The following CDH13 variants were observed in gnomAD, a reference collection of about 807,000 sequenced individuals.
CDH13 encodes cadherin-13.
In CDH13, 24 loss-of-function variants were observed where a neutral mutation model predicts 63.8. That is an observed-to-expected ratio of 0.38 (90% CI 0.27 to 0.53). The LOEUF is 0.53. Ranked by LOEUF, CDH13 falls within the 20% of genes least tolerant of loss-of-function variation. The pLI, the probability that CDH13 is intolerant of heterozygous loss-of-function variation, is 0.85. For synonymous variants in CDH13, 503 were observed against 355.3 expected, an observed-to-expected ratio of 1.42 and a Z score of -4.67; for missense variants, 1,049 against 903.1, an observed-to-expected ratio of 1.16 and a Z score of -2.07.
chr16:82,646,039 G>A (rs1910053295), intron 1 of CDH13, among the ~76,000 whole-genome samples: 1 of 152,206 alleles, frequency 6.6e-6, no homozygotes, highest in Non-Finnish European at 1.5e-5. Flanking sequence ...ACTTCACAAA[G>A]TCTGGGATCT....
intron 1 of CDH13, among the ~76,000 whole-genome samples, chr16:82,841,094 C>G (rs2038990333): frequency 6.6e-6 from 1 of 152,220 alleles, no homozygotes; most frequent in African/African-American, 2.4e-5. Flanking sequence ...CTGTGGACAT[C>G]TAGAAATGAG....
chr16:83,147,269 T>A (rs75275669), intron 4 of CDH13, among the ~76,000 whole-genome samples: 5 of 152,220 alleles, frequency 3.3e-5, no homozygotes, highest in African/African-American at 1.2e-4. Context: ...CACATCCACC[T>A]TCTTCCGTCC....
At chr16:83,635,027 C>A (rs1162032486) in intron 8 of CDH13, among the ~76,000 whole-genome samples, 1 of 152,192 alleles carries the variant, frequency 6.6e-6, no homozygotes, top group Non-Finnish European at 1.5e-5. Flanking sequence ...CCATTTTCAT[C>A]CTTATCAGCA....
chr16:83,025,669 A>T (rs964025753), intron 2 of CDH13, among the ~76,000 whole-genome samples: 2 of 152,200 alleles, frequency 1.3e-5, no homozygotes, highest in Non-Finnish European at 2.9e-5. Context: ...CAGGGCTCCT[A>T]CACACAAGCC....
intron 5 of CDH13, among the ~76,000 whole-genome samples, chr16:83,236,355 A>T (rs1022911477): frequency 6.6e-6 from 1 of 152,156 alleles, no homozygotes; most frequent in Admixed American, 6.5e-5. Flanking sequence ...CATAGTAAAG[A>T]TATTTTGAAG....
At chr16:83,409,223 G>A (rs189112470) in intron 6 of CDH13, among the ~76,000 whole-genome samples, 60 of 147,966 alleles carry the variant, frequency 4.1e-4, no homozygotes, top group African/African-American at 1.3e-3. Flanking sequence ...GTGTAAAAAC[G>A]CATAAGCTTC....
chr16:83,259,196 C>G (rs895583444), intron 5 of CDH13, among the ~76,000 whole-genome samples: 5 of 152,138 alleles, frequency 3.3e-5, no homozygotes, highest in Non-Finnish European at 7.4e-5. Context: ...TGATATAAAC[C>G]TTATGGATGG....
intron 7 of CDH13, among the ~76,000 whole-genome samples, chr16:83,550,363 C>G (rs1440777587): frequency 6.6e-6 from 1 of 152,238 alleles, no homozygotes; most frequent in East Asian, 1.9e-4. Context: ...TTTCCAGCAT[C>G]TGCTATGATG....
intron 4 of CDH13, among the ~76,000 whole-genome samples, chr16:83,138,397 G>A (rs1279973980): frequency 1.3e-5 from 2 of 152,106 alleles, no homozygotes; most frequent in African/African-American, 2.4e-5. Flanking sequence ...CGAGAAGGCA[G>A]AAGAAGTAAT....
intron 7 of CDH13, among the ~76,000 whole-genome samples, chr16:83,501,089 C>G (rs569187165): frequency 6.6e-6 from 1 of 152,226 alleles, no homozygotes; most frequent in Admixed American, 6.5e-5. Flanking sequence ...ATAGCAATGG[C>G]TTTCCTGGCT....
At chr16:82,864,609 G>A (rs771161207) in intron 2 of CDH13, among the ~76,000 whole-genome samples, 88 of 152,174 alleles carry the variant, frequency 5.8e-4, no homozygotes, top group Non-Finnish European at 2.1e-4. Flanking sequence ...CCGTAATTCA[G>A]TTACCTCCAG....
intron 3 of CDH13, among the ~76,000 whole-genome samples, chr16:83,061,301 G>A (rs1341189634): frequency 6.6e-6 from 1 of 152,196 alleles, no homozygotes; most frequent in Non-Finnish European, 1.5e-5. Flanking sequence ...AGACAATTGA[G>A]GCTGTACATC....
chr16:82,850,747 C>T, intron 1 of CDH13, among the ~76,000 whole-genome samples: 1 of 152,284 alleles, frequency 6.6e-6, no homozygotes, highest in East Asian at 1.9e-4. Context: ...TTCACAACCG[C>T]CACCCTCATC....
chr16:83,650,088 T>C (rs1344309182), intron 8 of CDH13, among the ~76,000 whole-genome samples: 1 of 152,208 alleles, frequency 6.6e-6, no homozygotes, highest in Admixed American at 6.5e-5. Flanking sequence ...TTCAAGCCTC[T>C]GCTCCTTTGT....
intron 2 of CDH13, among the ~76,000 whole-genome samples, chr16:82,900,581 AC>A (rs1281413047): frequency 6.6e-6 from 1 of 152,224 alleles, no homozygotes; most frequent in Middle Eastern, 3.2e-3. Flanking sequence ...TAAGCCTTAA[AC>A]ATGTTTGTAA....
chr16:82,761,992 A>G (rs1169364759), intron 1 of CDH13, among the ~76,000 whole-genome samples: 1 of 152,206 alleles, frequency 6.6e-6, no homozygotes, highest in Admixed American at 6.5e-5. Context: ...AGACAAAGAG[A>G]AATGGCAATT....
chr16:83,139,347 A>AT (rs1055143319), intron 4 of CDH13, among the ~76,000 whole-genome samples: 2 of 152,012 alleles, frequency 1.3e-5, no homozygotes, highest in African/African-American at 4.8e-5. Flanking sequence ...CTTTTATTTT[A>AT]TTTTTTTCTA....
chr16:83,145,714 C>G (rs2036718778), intron 4 of CDH13, among the ~76,000 whole-genome samples: 1 of 152,186 alleles, frequency 6.6e-6, no homozygotes, highest in Non-Finnish European at 1.5e-5. Flanking sequence ...GTCTCTCAAT[C>G]AATCAATACT....
intron 4 of CDH13, chr16:83,171,558 C>G: frequency 6.5e-7 from 1 of 1,534,014 alleles, no homozygotes; most frequent in Non-Finnish European, 8.7e-7. Context: ...AGCACGATGG[C>G]TGACATGAGA....
Sources: allele counts gnomAD v4.1 joint callset (sites outside exome capture counted in the v4.1 genomes callset), GRCh38; gene constraint gnomAD v4.1.1; transcripts MANE v1.5; gene names NCBI Gene and HGNC (gene_info 2026-07-23, HGNC 2026-07-21).